The following FBXO40 variants were observed in gnomAD, a reference collection of about 807,000 sequenced individuals.
FBXO40 encodes the protein F-box only protein 40.
Under a neutral mutation model 49.9 loss-of-function variants are expected in FBXO40, and 50 were observed. The observed-to-expected ratio is 1.00, with a 90% CI of 0.80 to 1.27. The LOEUF (loss-of-function observed/expected upper bound fraction) is 1.27. Among genes scored for constraint, FBXO40 ranks in the 50% most tolerant of loss-of-function variants. FBXO40 has a pLI of 0.00. For synonymous variants in FBXO40, 340 were observed against 320.2 expected (o/e 1.06, Z -0.66); for missense variants, 895 against 870.1 (o/e 1.03, Z -0.36).
intron 1 of FBXO40, among the ~76,000 whole-genome samples, chr3:121,609,796 A>G (rs1429682439): frequency 6.6e-6 from 1 of 152,254 alleles, no homozygotes; most frequent in African/African-American, 2.4e-5. Context: ...AAGGATAAGG[A>G]AAGTGGCATT....
intron 1 of FBXO40, among the ~76,000 whole-genome samples, chr3:121,604,215 T>C (rs1486246367): frequency 5.3e-5 from 8 of 152,054 alleles, no homozygotes; most frequent in Non-Finnish European, 8.8e-5. Flanking sequence ...TTGGGAGGGG[T>C]CTTAACCAGA....
intron 1 of FBXO40, among the ~76,000 whole-genome samples, chr3:121,593,752 A>G (rs2048855512): frequency 6.6e-6 from 1 of 152,138 alleles, no homozygotes; most frequent in African/African-American, 2.4e-5. Flanking sequence ...TCTATAATCA[A>G]CAAGAGTAGT....
In FBXO40 at chr3:121,627,868, A is replaced by G; in HGVS notation, c.*958A>G. On this transcript the variant is annotated 3_prime_UTR_variant, in exon 4 of 4. Coordinates refer to ENST00000338040, the MANE Select transcript of FBXO40 (RefSeq NM_016298.4). The stretch of plus-strand genomic sequence containing the variant: ...ATCACACCTTTGGCAAAGTCCAGAC[A>G]AGGCCCACTGCAGTTCCTATGGCGC... 1 of 398,776 alleles carries G rather than the reference A, an allele frequency of 2.5e-6. No homozygotes were observed. Among genetic ancestry groups the G allele is most frequent in the South Asian group, 1.3e-4 (1 of 7,860 alleles). 24.7% of individuals were successfully genotyped at this position (398,776 alleles called of 1,614,324 possible).
chr3:121,607,454 C>T (rs945495365), intron 1 of FBXO40, among the ~76,000 whole-genome samples: 10 of 151,144 alleles, frequency 6.6e-5, no homozygotes, highest in Admixed American at 1.3e-4. Context: ...AGACTACAGG[C>T]GCCCACCACC....
chr3:121,597,914 T>G (rs1185752378), intron 1 of FBXO40, among the ~76,000 whole-genome samples: 1 of 152,074 alleles, frequency 6.6e-6, no homozygotes, highest in East Asian at 1.9e-4. Context: ...CCACCTGCCT[T>G]GGCCTCCCAA....
At chr3:121,602,761 A>T (rs915964546) in intron 1 of FBXO40, among the ~76,000 whole-genome samples, 1 of 151,908 alleles carries the variant, frequency 6.6e-6, no homozygotes, top group African/African-American at 2.4e-5. Context: ...ACATTTCCAC[A>T]TTAAGTCCAT....
rs535223523 is a variant in FBXO40 at position 121,602,870 on chromosome 3, G to GACCC, written c.-31+9370_-31+9373dup. On this transcript the variant is annotated intron_variant, in intron 1 of 3. Coordinates refer to ENST00000338040, the MANE Select transcript of FBXO40 (RefSeq NM_016298.4). ...TAAGAGATCAGTAGCTGGGCTCTTG[G>GACCC]ACCCAAAGATGTGTTTCCTGCTGGA... Among the ~76,000 whole-genome samples, 63 of 152,148 alleles carry GACCC rather than the reference G, an allele frequency of 4.1e-4. No individual in the cohort carries two copies. In the East Asian group the frequency reaches 8.9e-3, roughly 21 times the overall value.
chr3:121,619,696 C>T (rs891050370), intron 1 of FBXO40, among the ~76,000 whole-genome samples: 1 of 152,098 alleles, frequency 6.6e-6, no homozygotes, highest in Non-Finnish European at 1.5e-5. Flanking sequence ...GGGATAGGTA[C>T]TATTATTATC....
intron 1 of FBXO40, among the ~76,000 whole-genome samples, chr3:121,604,865 G>C (rs551670422): frequency 6.6e-6 from 1 of 152,244 alleles, no homozygotes; most frequent in African/African-American, 2.4e-5. Flanking sequence ...GGAAGAGTGA[G>C]GCCAAGTGGT....
At chr3:121,617,076 C>T (rs2049001229) in intron 1 of FBXO40, among the ~76,000 whole-genome samples, 1 of 152,064 alleles carries the variant, frequency 6.6e-6, no homozygotes, top group Non-Finnish European at 1.5e-5. Flanking sequence ...ACAGAGAAAA[C>T]AAGTTTTAGT....
intron 1 of FBXO40, among the ~76,000 whole-genome samples, chr3:121,610,357 G>A (rs2048957990): frequency 6.6e-6 from 1 of 152,152 alleles, no homozygotes; most frequent in African/African-American, 2.4e-5. Context: ...GAAGTCCAGG[G>A]GCCTAAGTTT....
chr3:121,626,020 C>G (rs1008795622), intron 3 of FBXO40, among the ~76,000 whole-genome samples: 7 of 152,208 alleles, frequency 4.6e-5, no homozygotes, highest in Non-Finnish European at 7.3e-5. Context: ...TCTAGTGAGA[C>G]TCTTATGAGT....
At chr3:121,610,883 T>C (rs528894682) in intron 1 of FBXO40, among the ~76,000 whole-genome samples, 11 of 152,158 alleles carry the variant, frequency 7.2e-5, no homozygotes, top group Non-Finnish European at 1.2e-4. Context: ...TCAAGTGATC[T>C]GCCAACCTTG....
At chr3:121,618,447 C>T (rs1013023980) in intron 1 of FBXO40, among the ~76,000 whole-genome samples, 3 of 136,662 alleles carry the variant, frequency 2.2e-5, no homozygotes, top group Admixed American at 8.3e-5. Flanking sequence ...AGCGCAGTGG[C>T]GTGATCTCGA....
chr3:121,620,619 T>A, intron 2 of FBXO40, 41 bp downstream of exon 2: 1 of 1,613,332 alleles, frequency 6.2e-7, no homozygotes, highest in Non-Finnish European at 8.5e-7. Context: ...CATTGAGAGG[T>A]CCAGGTCTTC....
Position 121,629,567 on chromosome 3 carries a change from G to A in FBXO40, c.*2657G>A, listed in dbSNP as rs923056068. 1 of 152,218 alleles carries A rather than the reference G, an allele frequency of 6.6e-6. No individual in the cohort carries two copies. The highest frequency in any genetic ancestry group is 2.4e-5 in the African/African-American group (1 of 41,450). 9.4% of individuals were successfully genotyped at this position (152,218 alleles called of 1,614,324 possible). A position where few individuals can be genotyped will look rare whatever the true frequency, so the allele number is the denominator to read the frequency against. ...AGAAATAAGGTGCTACATAGAGAAA[G>A]GAAGAGGGCAGAAGGCTTTCCCTTC... On this transcript the variant is annotated 3_prime_UTR_variant, in exon 4 of 4. Transcript: ENST00000338040.
At chr3:121,605,311 C>T (rs1413986343) in intron 1 of FBXO40, among the ~76,000 whole-genome samples, 1 of 152,158 alleles carries the variant, frequency 6.6e-6, no homozygotes, top group Non-Finnish European at 1.5e-5. Flanking sequence ...TCCTAGCCAC[C>T]CAGAAGGCAA....
chr3:121,598,594 G>A (rs1560126644), intron 1 of FBXO40, among the ~76,000 whole-genome samples: 1 of 152,182 alleles, frequency 6.6e-6, no homozygotes, highest in Non-Finnish European at 1.5e-5. Flanking sequence ...GAGACATGGT[G>A]CAAAATAGAA....
chr3:121,615,284 G>T (rs1040550680), intron 1 of FBXO40, among the ~76,000 whole-genome samples: 4 of 150,778 alleles, frequency 2.7e-5, no homozygotes, highest in Non-Finnish European at 5.9e-5. Context: ...AAGGAGGAAC[G>T]CTCCCTCTTT....
Sources: gnomAD v4.1 joint callset for allele counts (sites outside exome capture counted in the v4.1 genomes callset) on GRCh38, gnomAD v4.1.1 for gene constraint, MANE v1.5 for transcripts, NCBI Gene and HGNC (gene_info 2026-07-23, HGNC 2026-07-21) for gene names.